The following NALF1 variants were observed in gnomAD, a reference collection of about 807,000 sequenced individuals.
NALF1 encodes NALCN channel auxiliary factor 1.
Under a neutral mutation model 48.4 loss-of-function variants are expected in NALF1, and 3 were observed. The ratio of observed to expected loss-of-function variants is 0.06; its 90% confidence interval spans 0.03 to 0.16. The LOEUF is 0.16. Ranked by LOEUF, NALF1 falls within the 10% of genes least tolerant of loss-of-function variation. The pLI is 1.00. For missense variants in NALF1, 526 were observed against 571.5 expected, an observed-to-expected ratio of 0.92 and a Z score of 0.81; for synonymous variants, 262 against 245.7, an observed-to-expected ratio of 1.07 and a Z score of -0.62.
At chr13:107,392,062 T>C (rs1883635873) in intron 1 of NALF1, among the ~76,000 whole-genome samples, 1 of 152,088 alleles carries the variant, frequency 6.6e-6, no homozygotes, top group South Asian at 2.1e-4. Flanking sequence ...CACAAAATTA[T>C]AAAAATTGTC....
chr13:107,170,934 A>C (rs1411887951), intron 2 of NALF1, 148 bp from the exon 3 acceptor site: 1 of 691,330 alleles, frequency 1.4e-6, no homozygotes, highest in Admixed American at 2.8e-5. Context: ...ATGCAATTGG[A>C]TAAAGAGTCA....
At chr13:107,628,113 C>G (rs892203010) in intron 1 of NALF1, among the ~76,000 whole-genome samples, 1 of 152,078 alleles carries the variant, frequency 6.6e-6, no homozygotes. Context: ...TCCTGTATGA[C>G]TGCTCAGTTA....
intron 1 of NALF1, among the ~76,000 whole-genome samples, chr13:107,243,235 G>C (rs1455608601): frequency 1.3e-5 from 2 of 152,138 alleles, no homozygotes; most frequent in African/African-American, 4.8e-5. Context: ...TGAACAGGCT[G>C]AGCTCTTTAT....
At chr13:107,747,088 T>A (rs1450038752) in intron 1 of NALF1, among the ~76,000 whole-genome samples, 2 of 152,166 alleles carry the variant, frequency 1.3e-5, no homozygotes, top group African/African-American at 4.8e-5. Context: ...GGAATACCAG[T>A]GATGGAGCCC....
intron 1 of NALF1, among the ~76,000 whole-genome samples, chr13:107,228,032 T>G (rs1476605215): frequency 6.6e-6 from 1 of 152,244 alleles, no homozygotes; most frequent in African/African-American, 2.4e-5. Flanking sequence ...AAATATGTTA[T>G]GTAAAGAGCA....
chr13:107,457,765 C>G (rs1310664425), intron 1 of NALF1, among the ~76,000 whole-genome samples: 1 of 152,168 alleles, frequency 6.6e-6, no homozygotes, highest in Non-Finnish European at 1.5e-5. Context: ...GCCCAATAAA[C>G]AAACACTTTC....
intron 1 of NALF1, among the ~76,000 whole-genome samples, chr13:107,805,545 A>C (rs1485921211): frequency 6.6e-6 from 1 of 152,152 alleles, no homozygotes; most frequent in Non-Finnish European, 1.5e-5. Flanking sequence ...AAATGGAGGG[A>C]ATATAATCCA....
intron 1 of NALF1, among the ~76,000 whole-genome samples, chr13:107,214,530 C>G (rs1269209415): frequency 2.0e-5 from 3 of 152,114 alleles, no homozygotes; most frequent in African/African-American, 4.8e-5. Flanking sequence ...AGTAATGGCT[C>G]GCCGACATCC....
intron 1 of NALF1, among the ~76,000 whole-genome samples, chr13:107,806,860 C>A (rs970496268): frequency 6.6e-6 from 1 of 152,260 alleles, no homozygotes; most frequent in African/African-American, 2.4e-5. Flanking sequence ...GATTCATGGG[C>A]ATCATGCTTC....
chr13:107,830,571 G>A (rs898336134), intron 1 of NALF1, among the ~76,000 whole-genome samples: 1 of 152,168 alleles, frequency 6.6e-6, no homozygotes, highest in African/African-American at 2.4e-5. Context: ...TTGGCCATTT[G>A]TGTATCTTTG....
chr13:107,343,615 C>A (rs1179134178), intron 1 of NALF1, among the ~76,000 whole-genome samples: 1 of 152,098 alleles, frequency 6.6e-6, no homozygotes, highest in Non-Finnish European at 1.5e-5. Flanking sequence ...GTAAATTGCC[C>A]AGTCTCGGGT....
At chr13:107,310,717 G>A (rs567136701) in intron 1 of NALF1, among the ~76,000 whole-genome samples, 25 of 151,816 alleles carry the variant, frequency 1.6e-4, no homozygotes, top group African/African-American at 3.4e-4. Context: ...TCACTCTGTC[G>A]CCCAGTCTGG....
chr13:107,758,366 T>C (rs1175307597), intron 1 of NALF1, among the ~76,000 whole-genome samples: 5 of 152,218 alleles, frequency 3.3e-5, no homozygotes, highest in African/African-American at 1.2e-4. Context: ...TCATTTTTAA[T>C]TTTCATATAT....
chr13:107,362,066 C>A lies in NALF1; in HGVS notation c.916-151311G>T, dbSNP rs1883071081. On this transcript the variant is annotated intron_variant, in intron 1 of 2. Transcript: ENST00000375915. This position sits in a 1 kb window ranked among gnomAD's most constrained non-coding sequence, Gnocchi z 4.6. The stretch of plus-strand genomic sequence containing the variant: ...TAGTAAACAGAAGTCGCACTGCCAG[C>A]CTGCAGTGCATAGGTAGAGATGGGG... Among the ~76,000 whole-genome samples the A allele has an allele frequency of 6.6e-6, 1 of 152,098 alleles. No homozygotes were observed. Among genetic ancestry groups the A allele is most frequent in the African/African-American group, 2.4e-5 (1 of 41,398 alleles).
chr13:107,493,111 T>C (rs1875200492), intron 1 of NALF1, among the ~76,000 whole-genome samples: 1 of 152,142 alleles, frequency 6.6e-6, no homozygotes, highest in Non-Finnish European at 1.5e-5. Context: ...AGCCCTGATA[T>C]GCCCAAAAAG....
At chr13:107,773,191 A>G (rs1877627322) in intron 1 of NALF1, among the ~76,000 whole-genome samples, 1 of 152,190 alleles carries the variant, frequency 6.6e-6, no homozygotes, top group South Asian at 2.1e-4. Flanking sequence ...TTTCATTCAG[A>G]GTCTGACATA....
intron 1 of NALF1, among the ~76,000 whole-genome samples, chr13:107,668,251 AT>A (rs1880908423): frequency 6.6e-6 from 1 of 152,126 alleles, no homozygotes; most frequent in African/African-American, 2.4e-5. Context: ...GGAAAATAGT[AT>A]GTAATTCTCT....
At chr13:107,254,474 G>A (rs1019251584) in intron 1 of NALF1, among the ~76,000 whole-genome samples, 4 of 152,154 alleles carry the variant, frequency 2.6e-5, no homozygotes, top group Admixed American at 1.3e-4. Flanking sequence ...AGTTGCAAAG[G>A]GATAGTGAAT....
chr13:107,416,912 C>A (rs1884098677), intron 1 of NALF1, among the ~76,000 whole-genome samples: 1 of 152,210 alleles, frequency 6.6e-6, no homozygotes, highest in Non-Finnish European at 1.5e-5. Context: ...AGGAAGACAC[C>A]AGTCCTTACA....
Sources: allele counts gnomAD v4.1 joint callset (sites outside exome capture counted in the v4.1 genomes callset), GRCh38; gene constraint gnomAD v4.1.1; non-coding constraint Gnocchi (gnomAD v3.1); transcripts MANE v1.5; gene names NCBI Gene and HGNC (gene_info 2026-07-23, HGNC 2026-07-21).